The following BCAR3 variants were observed in gnomAD, a reference collection of about 807,000 sequenced individuals.
BCAR3 encodes breast cancer anti-estrogen resistance protein 3.
A neutral mutation model predicts 80.1 loss-of-function variants in BCAR3; 37 were observed. The ratio of observed to expected loss-of-function variants is 0.46; its 90% CI spans 0.36 to 0.61. The LOEUF is 0.61. Among genes scored for constraint, BCAR3 ranks in the 20% least tolerant of loss-of-function variants. The probability of loss-of-function intolerance (pLI) is 0.00; values close to 1 mark genes in which losing one functional copy is unlikely to be tolerated. For synonymous variants in BCAR3, 389 were observed against 418.9 expected (o/e 0.93, Z 0.87); for missense variants, 978 against 1,068.2 (o/e 0.92, Z 1.18).
upstream of BCAR3, among the ~76,000 whole-genome samples, chr1:93,685,010 G>GT (rs1402305719): frequency 6.6e-6 from 1 of 152,174 alleles, no homozygotes; most frequent in African/African-American, 2.4e-5. Flanking sequence ...GATTATAGGC[G>GT]TGAGCCACTG....
rs1294539624 is a variant in BCAR3, at chr1:93,766,261, T to C, written c.-62-60119A>G. 2.0e-5 allele frequency among the ~76,000 whole-genome samples: 3 copies of C among 152,280 alleles called. No individual in the cohort carries two copies. The East Asian group carries it at 5.8e-4, about 29-fold the overall frequency. On this transcript the variant is annotated intron_variant, in intron 2 of 13. Transcript: ENST00000370244. Reference sequence around the variant, plus strand: ...CACATTGGTGACCCCTCCTAACTCATCCAGAGCCACCTGAGCCAGTGAATT... The same window carrying C: ...CACATTGGTGACCCCTCCTAACTCACCCAGAGCCACCTGAGCCAGTGAATT...
chr1:93,585,804 T>G (rs1422909470), intron 5 of BCAR3, among the ~76,000 whole-genome samples: 1 of 152,152 alleles, frequency 6.6e-6, no homozygotes, highest in East Asian at 1.9e-4. Flanking sequence ...AGTGGCATGG[T>G]CATGGCTCAC....
At chr1:93,790,510 T>A (rs567491340) in intron 2 of BCAR3, among the ~76,000 whole-genome samples, 1 of 152,228 alleles carries the variant, frequency 6.6e-6, no homozygotes, top group Admixed American at 6.5e-5. Flanking sequence ...TGGGTTATTC[T>A]GTCCTAAAGG....
intron 2 of BCAR3, among the ~76,000 whole-genome samples, chr1:93,807,449 G>T (rs1653693343): frequency 1.3e-5 from 2 of 152,292 alleles, no homozygotes; most frequent in South Asian, 4.1e-4. Context: ...CAGGGGAAAT[G>T]AATGAGCACA....
chr1:93,735,817 T>C (rs901337449), intron 2 of BCAR3, among the ~76,000 whole-genome samples: 2 of 152,254 alleles, frequency 1.3e-5, no homozygotes, highest in African/African-American at 4.8e-5. Context: ...TAGCTTCCAC[T>C]GGTAGGAGCC....
chr1:93,589,021 G>A lies in BCAR3; in HGVS notation c.885C>T (p.Gly295=), dbSNP rs371512845. Residue 295 remains glycine (G), a synonymous_variant, in exon 5 of 12, where the codon GGC becomes GGT. Transcript: ENST00000260502. ...GCAAATTCTGCTCTCGGGCCTGGAC[G>A]CCACCCATGGTGAGGCTCAGCCTCT... The part of the protein sequence containing the change: ...VAKRLSLTMG[G]VQAREQNLPR... 10 of 1,600,216 alleles carry A rather than the reference G, an allele frequency of 6.2e-6. No homozygotes were observed. In the East Asian group the frequency reaches 1.1e-4, roughly 18 times the overall value.
At chr1:93,834,709 TC>T (rs1327650741) in intron 2 of BCAR3, among the ~76,000 whole-genome samples, 1 of 152,210 alleles carries the variant, frequency 6.6e-6, no homozygotes. Flanking sequence ...TCTACAGTTC[TC>T]ATAACTTCCA....
chr1:93,736,843 T>A (rs778285575), intron 2 of BCAR3, among the ~76,000 whole-genome samples: 1 of 152,210 alleles, frequency 6.6e-6, no homozygotes, highest in African/African-American at 2.4e-5. Flanking sequence ...TTTCGTTGAG[T>A]GCTTTCTGTG....
intron 2 of BCAR3, among the ~76,000 whole-genome samples, chr1:93,711,124 G>T (rs893591116): frequency 6.6e-6 from 1 of 152,216 alleles, no homozygotes; most frequent in Non-Finnish European, 1.5e-5. Context: ...GAAGCTGCAG[G>T]CTTTTGTGAA....
At chr1:93,601,260 T>A (rs574052363) in intron 3 of BCAR3, among the ~76,000 whole-genome samples, 5 of 152,216 alleles carry the variant, frequency 3.3e-5, no homozygotes, top group Non-Finnish European at 5.9e-5. Flanking sequence ...AGAAAAAAAA[T>A]TACAAAATCC....
Position 93,645,470 on chromosome 1 carries a change from T to C in BCAR3, c.318-3127A>G, listed in dbSNP as rs577000182. 2.0e-5 allele frequency among the ~76,000 whole-genome samples: 3 copies of C among 151,960 alleles called. 1 individual carries two copies. Among genetic ancestry groups the C allele is most frequent in the African/African-American group, 7.2e-5 (3 of 41,458 alleles). On this transcript the variant is annotated intron_variant, in intron 2 of 11. Coordinates refer to ENST00000260502, the MANE Select transcript of BCAR3 (RefSeq NM_003567.4). ...TAGGGTCGACCTGCAAACTATAGAG[T>C]TCCTAAATTCTCTTTTTCTGTCTTC...
chr1:93,763,366 TA>T (rs1203854072), intron 2 of BCAR3, among the ~76,000 whole-genome samples: 2 of 152,232 alleles, frequency 1.3e-5, no homozygotes, highest in Non-Finnish European at 2.9e-5. Flanking sequence ...GCCAGCCTGC[TA>T]ACACTTACTG....
At chr1:93,705,332 G>GGGCTCCCTTGTAAATGC (rs1649796280) in intron 3 of BCAR3, among the ~76,000 whole-genome samples, 1 of 152,098 alleles carries the variant, frequency 6.6e-6, no homozygotes, top group African/African-American at 2.4e-5. Flanking sequence ...TATGTGTTCC[G>GGGCTCCCTTGTAAATGC]GGCTCCCTTG....
At chr1:93,789,987 C>T (rs1230161213) in intron 2 of BCAR3, among the ~76,000 whole-genome samples, 1 of 152,104 alleles carries the variant, frequency 6.6e-6, no homozygotes, top group African/African-American at 2.4e-5. Context: ...TAATGGGAAG[C>T]CCTTCCCCAT....
intron 2 of BCAR3, among the ~76,000 whole-genome samples, chr1:93,646,906 T>C (rs1272247459): frequency 3.3e-5 from 5 of 152,198 alleles, no homozygotes; most frequent in Admixed American, 6.5e-5. Context: ...TTTTTGTTAA[T>C]AGTCTAGGTA....
At chr1:93,649,131 G>C (rs975654353) in intron 2 of BCAR3, among the ~76,000 whole-genome samples, 21 of 152,190 alleles carry the variant, frequency 1.4e-4, no homozygotes, top group African/African-American at 5.1e-4. Flanking sequence ...AAGGGCCCTG[G>C]GCTAAGGGAA....
intron 2 of BCAR3, among the ~76,000 whole-genome samples, chr1:93,811,986 C>G (rs905421992): frequency 3.3e-5 from 5 of 152,202 alleles, no homozygotes; most frequent in African/African-American, 1.2e-4. Context: ...CGTTTCCCAG[C>G]ACATCATTGT....
At chr1:93,724,460 T>C (rs1650511252) in intron 2 of BCAR3, among the ~76,000 whole-genome samples, 1 of 152,226 alleles carries the variant, frequency 6.6e-6, no homozygotes, top group African/African-American at 2.4e-5. Flanking sequence ...ACCAAATTTG[T>C]ACATGTAAGT....
At chr1:93,636,487 A>C (rs1047589749) in intron 3 of BCAR3, among the ~76,000 whole-genome samples, 1 of 152,084 alleles carries the variant, frequency 6.6e-6, no homozygotes, top group Non-Finnish European at 1.5e-5. Context: ...CTTTGTCCAC[A>C]GGCGGGCAAG....
Sources: gnomAD v4.1 joint callset for allele counts (sites outside exome capture counted in the v4.1 genomes callset) on GRCh38, gnomAD v4.1.1 for gene constraint, MANE v1.5 for transcripts, NCBI Gene and HGNC (gene_info 2026-07-23, HGNC 2026-07-21) for gene names.